RAB32: variants seen among roughly 807,000 people sequenced by gnomAD.
The protein encoded by RAB32 is ras-related protein Rab-32.
Under a neutral mutation model 17.5 loss-of-function variants are expected in RAB32, and 17 were observed. The observed-to-expected ratio is 0.97, with a 90% confidence interval of 0.67 to 1.46. The LOEUF (loss-of-function observed/expected upper bound fraction) is 1.46, where lower values mean the gene tolerates loss of function less well. RAB32 is among the 40% of genes most tolerant of loss of function. The pLI is 0.00. For missense variants in RAB32, 288 were observed against 284.3 expected, an observed-to-expected ratio of 1.01 and a Z score of -0.09; for synonymous variants, 115 against 111.1, an observed-to-expected ratio of 1.04 and a Z score of -0.22.
At position 146,551,098 on chromosome 6, in the gene RAB32, G is replaced by A. The variant is rs146103042; in HGVS notation, c.528+1357G>A. ...ATGAGAGACTGCACAAAAGGAGACC[G>A]CTCCAAAAATATTGCGCAATGATGG... On this transcript the variant is annotated intron_variant, in intron 2 of 2. Transcript: ENST00000367495. Among the ~76,000 whole-genome samples, 621 of 152,176 alleles carry A rather than the reference G, an allele frequency of 4.1e-3. 6 individuals carry two copies. The highest frequency in any genetic ancestry group is 0.014 in the African/African-American group (594 of 41,514).
At chr6:146,545,312 A>T (rs1432337668) in intron 1 of RAB32, among the ~76,000 whole-genome samples, 2 of 151,842 alleles carry the variant, frequency 1.3e-5, no homozygotes, top group Non-Finnish European at 2.9e-5. Context: ...CTGTTCAATC[A>T]TTACAGGTGT....
Position 146,548,895 on chromosome 6 carries a change from T to G in RAB32, c.251-569T>G, listed in dbSNP as rs978336705. 2.0e-5 allele frequency among the ~76,000 whole-genome samples: 3 copies of G among 152,358 alleles called. No individual in the cohort carries two copies. The South Asian group carries it at 6.2e-4, about 32-fold the overall frequency. On this transcript the variant is annotated intron_variant, in intron 1 of 2. Coordinates refer to ENST00000367495, the MANE Select transcript of RAB32 (RefSeq NM_006834.5). ...ACAACACAACCAGTTGTGCCTTTTG[T>G]TCTGAAACAGATTTTCATGTATCTA...
intron 2 of RAB32, among the ~76,000 whole-genome samples, chr6:146,551,855 G>C (rs1779902565): frequency 6.6e-6 from 1 of 152,174 alleles, no homozygotes; most frequent in Admixed American, 6.5e-5. Context: ...TTTCAAGTTT[G>C]CTCTGTGCTT....
In RAB32 at chr6:146,544,116, T is replaced by G; in HGVS notation, c.245T>G (p.Ile82Ser). 6.2e-7 allele frequency: 1 copy of G among 1,610,098 alleles called. No individual in the cohort carries two copies. Among genetic ancestry groups the G allele is most frequent in the Non-Finnish European group, 8.5e-7 (1 of 1,177,940 alleles). Reference protein sequence around the residue: ...RTLVRLQLWDIAGQERFGNMT... With the variant: ...RTLVRLQLWDSAGQERFGNMT... ...CTGGTGCGCCTGCAGCTGTGGGACA[T>G]CGCGGGTAAGCGCGGCCGCGAGTTT... Residue 82 changes from isoleucine (I) to serine (S), a missense_variant, in exon 1 of 3, where the codon ATC becomes AGC. By Grantham distance (142) the Ile-to-Ser change is moderately radical (BLOSUM62 -2). Coordinates refer to ENST00000367495, the MANE Select transcript of RAB32 (RefSeq NM_006834.5).
At chr6:146,549,802 G>A (rs1779874359) in intron 2 of RAB32, 61 bp downstream of exon 2, 2 of 1,526,622 alleles carry the variant, frequency 1.3e-6, no homozygotes, top group Admixed American at 1.9e-5. Context: ...AGCTGTAAAT[G>A]TAAAGTATTT....
intron 1 of RAB32, 84 bp from the exon 2 acceptor site, chr6:146,549,380 G>A: frequency 9.2e-7 from 1 of 1,092,528 alleles, no homozygotes; most frequent in Admixed American, 2.3e-5. Flanking sequence ...TCATAGTGTT[G>A]CTCTTGGGGT....
intron 2 of RAB32, 37 bp from the exon 3 acceptor site, chr6:146,554,419 C>T: frequency 6.4e-7 from 1 of 1,569,360 alleles, no homozygotes; most frequent in South Asian, 1.2e-5. Context: ...AGAATTAATC[C>T]TAAAAATTAA....
At chr6:146,546,338 T>C (rs1428106511) in intron 1 of RAB32, among the ~76,000 whole-genome samples, 1 of 151,900 alleles carries the variant, frequency 6.6e-6, no homozygotes, top group Non-Finnish European at 1.5e-5. Context: ...TTTATAGAAA[T>C]TATTAGGCTC....
At chr6:146,552,207 A>G (rs950051180) in intron 2 of RAB32, among the ~76,000 whole-genome samples, 2 of 152,204 alleles carry the variant, frequency 1.3e-5, no homozygotes, top group Admixed American at 6.5e-5. Flanking sequence ...ACATGTGACT[A>G]GTTACACTAT....
intron 2 of RAB32, among the ~76,000 whole-genome samples, chr6:146,552,537 T>C (rs1265924169): frequency 6.6e-6 from 1 of 151,996 alleles, no homozygotes; most frequent in Non-Finnish European, 1.5e-5. Context: ...AGGTTTCATA[T>C]GTGTGTGTGT....
At chr6:146,549,284 C>T (rs1779865449) in intron 1 of RAB32, among the ~76,000 whole-genome samples, 180 bp from the exon 2 acceptor site, 1 of 152,140 alleles carries the variant, frequency 6.6e-6, no homozygotes. Context: ...ACCAAATTAT[C>T]AGACACATCT....
At position 146,549,530 on chromosome 6, in the gene RAB32, T is replaced by G. The variant is rs1183147740; in HGVS notation, c.317T>G (p.Phe106Cys). 1.2e-6 allele frequency: 2 copies of G among 1,614,068 alleles called. No homozygotes were observed. The highest frequency in any genetic ancestry group is 1.7e-6 in the Non-Finnish European group (2 of 1,179,992). ...YKEAVGAFVV[F>C]DISRSSTFEA... ...GAAGCTGTTGGTGCTTTTGTAGTCTTTGATATATCAAGAAGTTCCACATTT... is the reference window on the plus strand; with the variant it reads ...GAAGCTGTTGGTGCTTTTGTAGTCTGTGATATATCAAGAAGTTCCACATTT... The change falls in exon 2 of 3, where the codon TTT becomes TGT. Residue 106 changes from phenylalanine to cysteine, a missense_variant. Transcript: ENST00000367495.
At position 146,554,465 on chromosome 6, in the gene RAB32, A is replaced by C; in HGVS notation, c.538A>C (p.Asn180His). The change falls in exon 3 of 3, where the codon AAC becomes CAC. Residue 180 changes from asparagine to histidine, a missense_variant. Asn to His is a moderately conservative substitution (Grantham distance 68). Coordinates refer to ENST00000367495, the MANE Select transcript of RAB32 (RefSeq NM_006834.5). ...WFETSAKDNI[N>H]IEEAARFLVE... The stretch of plus-strand genomic sequence containing the variant: ...CATTTCTGCATTACAGGATAACATA[A>C]ACATAGAGGAAGCTGCCCGGTTCCT... 6.2e-7 allele frequency: 1 copy of C among 1,607,824 alleles called. No homozygotes were observed. The highest frequency in any genetic ancestry group is 8.5e-7 in the Non-Finnish European group (1 of 1,178,252).
chr6:146,554,626 T>C lies in RAB32; in HGVS notation c.*21T>C. 1 of 1,602,272 alleles carries C rather than the reference T, an allele frequency of 6.2e-7. No homozygotes were observed. ...GCTGATATATGGCTTCTGCTTCTCT[T>C]GTGTGTGCCTCAGCTCTGAAGAAGT... On this transcript the variant is annotated 3_prime_UTR_variant, in exon 3 of 3. Coordinates refer to ENST00000367495, the MANE Select transcript of RAB32 (RefSeq NM_006834.5).
At chr6:146,554,378 G>A (rs1191331337) in intron 2 of RAB32, 78 bp from the exon 3 acceptor site, 4 of 1,434,204 alleles carry the variant, frequency 2.8e-6, no homozygotes, top group Admixed American at 2.5e-5. Flanking sequence ...AATTTTCCTG[G>A]TCCCATTCAT....
chr6:146,546,180 A>C (rs1204001613), intron 1 of RAB32, among the ~76,000 whole-genome samples: 1 of 152,100 alleles, frequency 6.6e-6, no homozygotes, highest in African/African-American at 2.4e-5. Flanking sequence ...TGTACTTTTC[A>C]CTAAATCCAA....
In RAB32 at chr6:146,544,080, A is replaced by T. The variant is rs1279721560; in HGVS notation, c.209A>T (p.Asp70Val). The change falls in exon 1 of 3, where the codon GAC becomes GTC. Residue 70 changes from aspartate (D) to valine (V), a missense_variant. Physicochemically the swap from Asp to Val is radical, Grantham distance 152. Transcript: ENST00000367495. ...VDFALKVLNW[D>V]SRTLVRLQLW... Reference sequence around the variant, plus strand: ...TTCGCCCTCAAGGTCCTCAACTGGGACAGCAGGACTCTGGTGCGCCTGCAG... The same window carrying T: ...TTCGCCCTCAAGGTCCTCAACTGGGTCAGCAGGACTCTGGTGCGCCTGCAG... 1.2e-6 allele frequency: 2 copies of T among 1,613,606 alleles called. No individual in the cohort carries two copies. Among genetic ancestry groups the T allele is most frequent in the South Asian group, 2.2e-5 (2 of 91,076 alleles).
At chr6:146,546,633 C>T (rs1362431174) in intron 1 of RAB32, among the ~76,000 whole-genome samples, 1 of 152,006 alleles carries the variant, frequency 6.6e-6, no homozygotes, top group Admixed American at 6.6e-5. Flanking sequence ...ACAAACTTCC[C>T]CCAGGGCTAA....
rs756021078 is a variant in RAB32 at position 146,543,855 on chromosome 6, C to T, written c.-17C>T. On this transcript the variant is annotated 5_prime_UTR_variant, in exon 1 of 3. Coordinates refer to ENST00000367495, the MANE Select transcript of RAB32 (RefSeq NM_006834.5). ...GCCAGACTCGGAGTCGAGGCGCGCC[C>T]GACAGCCGCAGCGCTCATGGCGGGC... 4.4e-6 allele frequency: 6 copies of T among 1,378,110 alleles called. No homozygotes were observed. The South Asian group carries it at 6.6e-5, about 15-fold the overall frequency. The allele number at this position is 1,378,110 out of a possible 1,614,324, so 85.4% of individuals were successfully genotyped here. A position where few individuals can be genotyped will look rare whatever the true frequency, so the allele number is the denominator to read the frequency against.
Sources: gnomAD v4.1 joint callset for allele counts (sites outside exome capture counted in the v4.1 genomes callset) on GRCh38, gnomAD v4.1.1 for gene constraint, MANE v1.5 for transcripts, NCBI Gene and HGNC (gene_info 2026-07-23, HGNC 2026-07-21) for gene names.